CDH12: variants seen among roughly 807,000 people sequenced by gnomAD.
CDH12 encodes the protein cadherin 12.
CDH12 carries 41 observed loss-of-function variants against 74.1 expected under a neutral mutation model. The observed-to-expected ratio is 0.55, with a 90% CI of 0.43 to 0.72. The LOEUF (loss-of-function observed/expected upper bound fraction) is 0.72, where lower values mean the gene tolerates loss of function less well. Among genes scored for constraint, CDH12 ranks in the 30% least tolerant of loss-of-function variants. The pLI, the probability that CDH12 is intolerant of heterozygous loss-of-function variation, is 0.00. For synonymous variants in CDH12, 399 were observed against 355.0 expected, an observed-to-expected ratio of 1.12 and a Z score of -1.39; for missense variants, 945 against 977.2, an observed-to-expected ratio of 0.97 and a Z score of 0.44.
At chr5:21,886,318 GGGT>G (rs1277422787) in intron 6 of CDH12, among the ~76,000 whole-genome samples, 1 of 151,462 alleles carries the variant, frequency 6.6e-6, no homozygotes, top group Non-Finnish European at 1.5e-5. Flanking sequence ...CATATTCACT[GGGT>G]GAAACTGGTA....
At chr5:22,127,923 T>A (rs1437391217) in intron 4 of CDH12, among the ~76,000 whole-genome samples, 2 of 151,940 alleles carry the variant, frequency 1.3e-5, no homozygotes, top group Non-Finnish European at 2.9e-5. Flanking sequence ...TAGGAGCACA[T>A]CCTTACTTGA....
At chr5:22,032,855 A>C (rs1350330997) in intron 5 of CDH12, among the ~76,000 whole-genome samples, 2 of 150,422 alleles carry the variant, frequency 1.3e-5, no homozygotes, top group Non-Finnish European at 3.0e-5. Context: ...CAAAGGAAGG[A>C]CTCCAGTGCA....
intron 5 of CDH12, among the ~76,000 whole-genome samples, chr5:22,053,324 T>A (rs1217484442): frequency 6.6e-6 from 1 of 152,148 alleles, no homozygotes; most frequent in Admixed American, 6.6e-5. Flanking sequence ...TCTCTTTAGC[T>A]CCTTGAAAGT....
chr5:22,425,631 TATTA>T (rs1165308737), intron 2 of CDH12, among the ~76,000 whole-genome samples: 2 of 152,068 alleles, frequency 1.3e-5, no homozygotes, highest in African/African-American at 4.8e-5. Context: ...ATCTAAAATG[TATTA>T]GTTAAGATTG....
chr5:22,411,189 C>T (rs1446097511), intron 2 of CDH12, among the ~76,000 whole-genome samples: 5 of 151,630 alleles, frequency 3.3e-5, no homozygotes, highest in Admixed American at 1.3e-4. Context: ...CTATAAAAAT[C>T]CATTTATAAA....
At chr5:22,760,119 G>A (rs1175442106) in intron 1 of CDH12, among the ~76,000 whole-genome samples, 1 of 152,150 alleles carries the variant, frequency 6.6e-6, no homozygotes, top group East Asian at 1.9e-4. Flanking sequence ...ATTAACCATT[G>A]CATCCTTTGT....
At chr5:21,851,055 T>A in intron 7 of CDH12, among the ~76,000 whole-genome samples, 1 of 151,250 alleles carries the variant, frequency 6.6e-6, no homozygotes, top group South Asian at 2.1e-4. Flanking sequence ...TATTTTACCA[T>A]GATAGGAAAA....
chr5:21,782,382 T>G (rs1326831073), intron 11 of CDH12, among the ~76,000 whole-genome samples: 2 of 152,238 alleles, frequency 1.3e-5, no homozygotes, highest in African/African-American at 4.8e-5. Flanking sequence ...AATGGGTATC[T>G]GACTATTCAT....
intron 5 of CDH12, among the ~76,000 whole-genome samples, chr5:21,979,572 A>T (rs1757218094): frequency 6.6e-6 from 1 of 152,208 alleles, no homozygotes; most frequent in East Asian, 1.9e-4. Context: ...ACTACTGCAC[A>T]AAAATAAAAC....
At chr5:22,849,022 T>C (rs985788886) in intron 1 of CDH12, among the ~76,000 whole-genome samples, 1 of 151,868 alleles carries the variant, frequency 6.6e-6, no homozygotes, top group African/African-American at 2.4e-5. Context: ...TGGGAACCCC[T>C]TTTACCCCAA....
At chr5:22,071,979 G>C (rs1374016579) in intron 5 of CDH12, among the ~76,000 whole-genome samples, 1 of 151,948 alleles carries the variant, frequency 6.6e-6, no homozygotes, top group Admixed American at 6.6e-5. Flanking sequence ...CATGATCAAT[G>C]AATCTTGAAA....
At chr5:22,075,663 G>A (rs182279878) in intron 5 of CDH12, among the ~76,000 whole-genome samples, 6 of 151,970 alleles carry the variant, frequency 3.9e-5, no homozygotes, top group Admixed American at 3.9e-4. Flanking sequence ...AATTGACTAG[G>A]CTATCAGTAA....
intron 3 of CDH12, among the ~76,000 whole-genome samples, chr5:22,346,425 T>C (rs1740117916): frequency 6.6e-6 from 1 of 152,186 alleles, no homozygotes; most frequent in African/African-American, 2.4e-5. Flanking sequence ...TGGTTCATTG[T>C]GGCCCAAATT....
chr5:22,020,094 C>G (rs1228476436), intron 5 of CDH12, among the ~76,000 whole-genome samples: 1 of 152,110 alleles, frequency 6.6e-6, no homozygotes, highest in Non-Finnish European at 1.5e-5. Context: ...ATTAGAGATT[C>G]AGATACATGT....
At chr5:21,989,104 A>G (rs192705991) in intron 5 of CDH12, among the ~76,000 whole-genome samples, 239 of 152,294 alleles carry the variant, frequency 1.6e-3, no homozygotes, top group African/African-American at 5.6e-3. Context: ...AAAAAGGGGA[A>G]AAAGAAGGCA....
intron 6 of CDH12, among the ~76,000 whole-genome samples, chr5:21,927,307 C>T (rs1045348793): frequency 9.2e-5 from 14 of 151,992 alleles, no homozygotes; most frequent in African/African-American, 2.7e-4. Context: ...TAAATCAGGC[C>T]GGGCACGGTG....
chr5:22,654,210 C>T (rs1739898703), intron 1 of CDH12, among the ~76,000 whole-genome samples: 1 of 146,058 alleles, frequency 6.8e-6, no homozygotes, highest in Non-Finnish European at 1.5e-5. Flanking sequence ...TTCTTTCTTT[C>T]TTTCTTTTTG....
chr5:21,790,912 T>C (rs1409973297), intron 10 of CDH12, among the ~76,000 whole-genome samples: 1 of 152,032 alleles, frequency 6.6e-6, no homozygotes, highest in African/African-American at 2.4e-5. Flanking sequence ...TAAACACAAA[T>C]ATCCAGGCTC....
Position 21,802,366 on chromosome 5 carries a change from G to C in CDH12, c.1057C>G (p.Leu353Val), listed in dbSNP as rs1441450947. 1.2e-6 allele frequency: 2 copies of C among 1,613,708 alleles called. No individual in the cohort carries two copies. Among genetic ancestry groups the C allele is most frequent in the South Asian group, 1.1e-5 (1 of 91,066 alleles). ...GAGTGAAACCGGTGGTCAAGGTGAAGGTTGGAAGCCTCAACTTTGAAAGTG... is the reference window on the plus strand; with the variant it reads ...GAGTGAAACCGGTGGTCAAGGTGAACGTTGGAAGCCTCAACTTTGAAAGTG... ...AYTFKVEASN[L>V]HLDHRFHSAG... The change falls in exon 10 of 15, where the codon CTT (leucine) becomes GTT (valine). Residue 353 changes from leucine to valine, a missense_variant. Around this residue, in one of 3 missense-constraint regions of CDH12, gnomAD observed 791 missense variants for 792.8 expected, o/e 1.00. Coordinates refer to ENST00000382254, the MANE Select transcript of CDH12 (RefSeq NM_004061.5).
Sources: gnomAD v4.1 joint callset for allele counts (sites outside exome capture counted in the v4.1 genomes callset) on GRCh38, gnomAD v4.1.1 for gene constraint, gnomAD v4.1.1 regional missense constraint, MANE v1.5 for transcripts, NCBI Gene and HGNC (gene_info 2026-07-23, HGNC 2026-07-21) for gene names.